VPS36: variants seen among roughly 807,000 people sequenced by gnomAD.
VPS36 encodes the protein vacuolar protein-sorting-associated protein 36.
A neutral mutation model predicts 63.5 loss-of-function variants in VPS36; 31 were observed. That is an observed-to-expected ratio of 0.49 (90% confidence interval 0.37 to 0.66). The LOEUF is 0.66. Ranked by LOEUF, VPS36 falls within the 30% of genes least tolerant of loss-of-function variation. The probability of loss-of-function intolerance (pLI) is 0.00; values close to 1 mark genes in which losing one functional copy is unlikely to be tolerated. For missense variants in VPS36, 338 were observed against 463.7 expected, an observed-to-expected ratio of 0.73 and a Z score of 2.49; for synonymous variants, 138 against 157.2, an observed-to-expected ratio of 0.88 and a Z score of 0.91.
chr13:52,430,990 AG>A (rs1338098633), intron 6 of VPS36, among the ~76,000 whole-genome samples: 1 of 152,162 alleles, frequency 6.6e-6, no homozygotes, highest in East Asian at 1.9e-4. Flanking sequence ...TTCATGTATA[AG>A]GAAGACAAAC....
intron 10 of VPS36, among the ~76,000 whole-genome samples, chr13:52,421,755 C>T (rs1378571152): frequency 1.3e-5 from 2 of 151,902 alleles, no homozygotes; most frequent in Non-Finnish European, 2.9e-5. Flanking sequence ...AACTCCTGAC[C>T]TCAGGTATTC....
At chr13:52,445,331 T>A (rs1345949795) in intron 1 of VPS36, among the ~76,000 whole-genome samples, 4 of 152,236 alleles carry the variant, frequency 2.6e-5, no homozygotes, top group Non-Finnish European at 5.9e-5. Context: ...AAGCAAATAT[T>A]TAATTATCTT....
At chr13:52,429,704 G>A (rs1958136569) in intron 6 of VPS36, among the ~76,000 whole-genome samples, 1 of 152,044 alleles carries the variant, frequency 6.6e-6, no homozygotes, top group Non-Finnish European at 1.5e-5. Flanking sequence ...TGAACTATGT[G>A]ACTCCAAAAA....
intron 4 of VPS36, among the ~76,000 whole-genome samples, 153 bp from the exon 5 acceptor site, chr13:52,435,035 G>A (rs538628900): frequency 6.8e-6 from 1 of 146,314 alleles, no homozygotes; most frequent in Non-Finnish European, 1.5e-5. Context: ...GCAATGGCGT[G>A]ATCTAGGCTC....
intron 5 of VPS36, 62 bp from the exon 6 acceptor site, chr13:52,433,810 T>C (rs527745326): frequency 6.9e-7 from 1 of 1,457,658 alleles, no homozygotes; most frequent in African/African-American, 1.4e-5. Flanking sequence ...AAATCTTTTG[T>C]AACCAACCAC....
chr13:52,422,647 T>A (rs1051124201), intron 10 of VPS36, among the ~76,000 whole-genome samples: 7 of 152,354 alleles, frequency 4.6e-5, no homozygotes, highest in African/African-American at 1.4e-4. Flanking sequence ...AGTGAGAATA[T>A]GGGTATTTGG....
intron 6 of VPS36, among the ~76,000 whole-genome samples, chr13:52,431,059 A>G (rs1393638805): frequency 6.6e-6 from 1 of 152,038 alleles, no homozygotes; most frequent in Non-Finnish European, 1.5e-5. Context: ...CTACTACAGA[A>G]TGAGGCTTCA....
chr13:52,430,623 C>G lies in VPS36; in HGVS notation c.528+3039G>C, dbSNP rs1372889287. On this transcript the variant is annotated intron_variant, in intron 6 of 13. Transcript: ENST00000378060. ...CTCCAGCGTGGGCAACAGAGCAAGA[C>G]TCCATCTCAAAAAAAAAAAAAGTAA... Among the ~76,000 whole-genome samples the G allele has an allele frequency of 3.3e-5, 5 of 150,374 alleles. No homozygotes were observed. In the East Asian group the frequency reaches 5.9e-4, roughly 18 times the overall value.
At position 52,439,181 on chromosome 13, in the gene VPS36, C is replaced by T. The variant is rs1337584242; in HGVS notation, c.166-13G>A. The T allele has an allele frequency of 8.1e-6, 13 of 1,611,534 alleles. No individual in the cohort carries two copies. The highest frequency in any genetic ancestry group is 1.1e-5 in the Non-Finnish European group (13 of 1,178,638). On this transcript the variant is annotated splice_polypyrimidine_tract_variant and intron_variant, in intron 2 of 13. Transcript: ENST00000378060. Reference sequence around the variant, plus strand: ...CCATGCAACACTCCTAGGAGGAAATCAATAGCTTAAATGAAAGACTCTAAA... The same window carrying T: ...CCATGCAACACTCCTAGGAGGAAATTAATAGCTTAAATGAAAGACTCTAAA...
chr13:52,417,212 CT>C lies in VPS36; in HGVS notation c.906-72del, dbSNP rs1958002511. On this transcript the variant is annotated intron_variant, in intron 11 of 13. Coordinates refer to ENST00000378060, the MANE Select transcript of VPS36 (RefSeq NM_016075.4). Reference sequence around the variant, plus strand: ...ATTCAACTGCTGAAAAGGAGGACATCTTTTATACCTTCTTTTATGCCCAGAT... The same window carrying C: ...ATTCAACTGCTGAAAAGGAGGACATCTTTATACCTTCTTTTATGCCCAGAT... 3 of 1,301,444 alleles carry C rather than the reference CT, an allele frequency of 2.3e-6. No homozygotes were observed. In the Admixed American group the frequency reaches 5.4e-5, roughly 23 times the overall value. The allele number at this position is 1,301,444 out of a possible 1,614,324, so 80.6% of individuals were successfully genotyped here.
intron 6 of VPS36, among the ~76,000 whole-genome samples, chr13:52,432,938 A>C (rs1348236405): frequency 1.3e-5 from 2 of 152,326 alleles, no homozygotes; most frequent in East Asian, 3.9e-4. Flanking sequence ...AATTCTCTGA[A>C]AAGCAACCAT....
chr13:52,441,894 A>C (rs1473850983), intron 2 of VPS36, among the ~76,000 whole-genome samples: 2 of 152,186 alleles, frequency 1.3e-5, no homozygotes, highest in Non-Finnish European at 2.9e-5. Context: ...GGTTTTAAGG[A>C]CATACCAGCT....
intron 1 of VPS36, chr13:52,450,089 C>G (rs1958385841): frequency 5.9e-5 from 58 of 989,506 alleles, no homozygotes; most frequent in Non-Finnish European, 6.8e-5. Context: ...TGTCCGGTGC[C>G]GACGCCGAGG....
In VPS36 at chr13:52,426,198, A is replaced by T. The variant is rs548891369; in HGVS notation, c.640-132T>A. On this transcript the variant is annotated intron_variant, in intron 8 of 13. Coordinates refer to ENST00000378060, the MANE Select transcript of VPS36 (RefSeq NM_016075.4). Reference sequence around the variant, plus strand: ...CCTTCTACTGTGTTTCTATGCTGTGAACTATAAGGGAGCAGATTTCCAGGA... The same window carrying T: ...CCTTCTACTGTGTTTCTATGCTGTGTACTATAAGGGAGCAGATTTCCAGGA... 3.0e-5 allele frequency: 35 copies of T among 1,159,878 alleles called. No individual in the cohort carries two copies. The African/African-American group carries it at 4.5e-4, about 15-fold the overall frequency. 71.8% of individuals were successfully genotyped at this position (1,159,878 alleles called of 1,614,324 possible). A position where few individuals can be genotyped will look rare whatever the true frequency, so the allele number is the denominator to read the frequency against.
chr13:52,436,142 T>C, intron 4 of VPS36, 148 bp downstream of exon 4: 1 of 536,556 alleles, frequency 1.9e-6, no homozygotes, highest in Non-Finnish European at 3.2e-6. Context: ...TAAGATATAA[T>C]AAAAATTTTA....
intron 6 of VPS36, among the ~76,000 whole-genome samples, 199 bp downstream of exon 6, chr13:52,433,463 T>G (rs1405530210): frequency 6.6e-6 from 1 of 152,242 alleles, no homozygotes; most frequent in Non-Finnish European, 1.5e-5. Context: ...AATTTGCATT[T>G]CTTTTTTATT....
chr13:52,424,565 G>T (rs1594114835), intron 9 of VPS36, among the ~76,000 whole-genome samples: 1 of 152,160 alleles, frequency 6.6e-6, no homozygotes, highest in Non-Finnish European at 1.5e-5. Flanking sequence ...AACACACGGT[G>T]GGGTGGGAGG....
intron 10 of VPS36, among the ~76,000 whole-genome samples, chr13:52,419,252 A>G (rs138611252): frequency 6.6e-6 from 1 of 152,326 alleles, no homozygotes; most frequent in East Asian, 1.9e-4. Context: ...TCTGGATGTG[A>G]AGGAGGAAGA....
chr13:52,437,619 AC>A (rs201097893), intron 3 of VPS36, among the ~76,000 whole-genome samples: 3,141 of 152,300 alleles, frequency 0.021, 53 homozygotes, highest in Middle Eastern at 0.051. Context: ...CAATTACTAT[AC>A]TTCATTAAAT....
Sources: allele counts gnomAD v4.1 joint callset (sites outside exome capture counted in the v4.1 genomes callset), GRCh38; gene constraint gnomAD v4.1.1; transcripts MANE v1.5; gene names NCBI Gene and HGNC (gene_info 2026-07-23, HGNC 2026-07-21).